The following KCTD8 variants were observed in gnomAD, a reference collection of about 807,000 sequenced individuals.
KCTD8 encodes the protein BTB/POZ domain-containing protein KCTD8.
KCTD8 carries 27 observed loss-of-function variants against 31.5 expected under a neutral mutation model. That is an observed-to-expected ratio of 0.86 (90% CI 0.63 to 1.18). The LOEUF (loss-of-function observed/expected upper bound fraction) is 1.18, where lower values mean the gene tolerates loss of function less well. Ranked by LOEUF, KCTD8 falls within the 50% of genes most tolerant of loss-of-function variation. The pLI is 0.00. For synonymous variants in KCTD8, 290 were observed against 280.0 expected, an observed-to-expected ratio of 1.04 and a Z score of -0.36; for missense variants, 658 against 647.7, an observed-to-expected ratio of 1.02 and a Z score of -0.17.
At chr4:44,377,838 C>T (rs1161358353) in intron 1 of KCTD8, among the ~76,000 whole-genome samples, 1 of 152,066 alleles carries the variant, frequency 6.6e-6, no homozygotes, top group Non-Finnish European at 1.5e-5. Context: ...TATATTACGT[C>T]TTCTTCTTTC....
chr4:44,332,027 A>G (rs774914815), intron 1 of KCTD8, among the ~76,000 whole-genome samples: 1 of 151,858 alleles, frequency 6.6e-6, no homozygotes, highest in Non-Finnish European at 1.5e-5. Context: ...AAACTAGTAG[A>G]TACTCTCAAC....
chr4:44,446,922 A>T (rs1721953604), intron 1 of KCTD8, among the ~76,000 whole-genome samples: 1 of 152,154 alleles, frequency 6.6e-6, no homozygotes, highest in South Asian at 2.1e-4. Context: ...GACGCAGGGA[A>T]ATCTGGGTTT....
At chr4:44,221,620 C>T (rs11933333) in intron 1 of KCTD8, among the ~76,000 whole-genome samples, 4,670 of 152,144 alleles carry the variant, frequency 0.031, 239 homozygotes, top group African/African-American at 0.11. Flanking sequence ...CAGAAGTCCC[C>T]GGAAAACCAC....
rs201538080 is a variant in KCTD8 at position 44,223,250 on chromosome 4, A to C, written c.962-48000T>G. Among the ~76,000 whole-genome samples the C allele has an allele frequency of 4.6e-5, 7 of 152,260 alleles. No individual in the cohort carries two copies. In the East Asian group the frequency reaches 1.4e-3, roughly 29 times the overall value. On this transcript the variant is annotated intron_variant, in intron 1 of 1. Transcript: ENST00000360029. ...CGGCTCAGGATTTCTGTTTCTAGTG[A>C]CTGGATAGATGACAGGCAATTAAGA... is the stretch of plus-strand genomic sequence containing the variant.
In KCTD8 at chr4:44,268,733, G is replaced by A. The variant is rs1386937066; in HGVS notation, c.962-93483C>T. ...AAACCAATGTACAAAAATCACAAAC[G>A]TTCTTATACACCAATAACAGACAGA... On this transcript the variant is annotated intron_variant, in intron 1 of 1. Coordinates refer to ENST00000360029, the MANE Select transcript of KCTD8 (RefSeq NM_198353.3). Among the ~76,000 whole-genome samples the A allele has an allele frequency of 3.5e-4, 54 of 152,134 alleles. No homozygotes were observed. The Middle Eastern group carries it at 0.014, about 38-fold the overall frequency.
chr4:44,401,254 T>G (rs957435135), intron 1 of KCTD8, among the ~76,000 whole-genome samples: 1 of 152,130 alleles, frequency 6.6e-6, no homozygotes, highest in Non-Finnish European at 1.5e-5. Context: ...ACTTCAGAAT[T>G]GCTACTTTCA....
At chr4:44,204,230 A>G (rs972641424) in intron 1 of KCTD8, among the ~76,000 whole-genome samples, 11 of 152,180 alleles carry the variant, frequency 7.2e-5, no homozygotes, top group African/African-American at 1.4e-4. Context: ...TATCAGAAGT[A>G]TTTCCATTTA....
At chr4:44,214,260 G>A (rs1005591237) in intron 1 of KCTD8, among the ~76,000 whole-genome samples, 12 of 152,084 alleles carry the variant, frequency 7.9e-5, no homozygotes, top group African/African-American at 2.9e-4. Flanking sequence ...TTAGTTTGTA[G>A]CCCAGCCAAA....
intron 1 of KCTD8, among the ~76,000 whole-genome samples, chr4:44,190,026 C>T (rs1357848697): frequency 6.6e-6 from 1 of 152,142 alleles, no homozygotes; most frequent in East Asian, 1.9e-4. Flanking sequence ...TCAGTCTTCA[C>T]TCTCATGGTT....
At chr4:44,352,917 G>A (rs1287698500) in intron 1 of KCTD8, among the ~76,000 whole-genome samples, 9 of 151,972 alleles carry the variant, frequency 5.9e-5, no homozygotes, top group Non-Finnish European at 1.2e-4. Context: ...CCAAAACTCA[G>A]GTTGTGCTTA....
intron 1 of KCTD8, among the ~76,000 whole-genome samples, chr4:44,324,536 T>C (rs1718394041): frequency 6.6e-6 from 1 of 152,118 alleles, no homozygotes; most frequent in South Asian, 2.1e-4. Context: ...CTCCTGGAAC[T>C]TTCCAGCACA....
At chr4:44,264,009 C>T (rs1434750914) in intron 1 of KCTD8, among the ~76,000 whole-genome samples, 3 of 152,186 alleles carry the variant, frequency 2.0e-5, no homozygotes, top group Non-Finnish European at 4.4e-5. Flanking sequence ...AACTTAATAA[C>T]TCAAAGTAAG....
intron 1 of KCTD8, among the ~76,000 whole-genome samples, chr4:44,204,216 G>T (rs917249914): frequency 3.3e-5 from 5 of 152,114 alleles, no homozygotes; most frequent in Non-Finnish European, 7.4e-5. Flanking sequence ...ACTTCAGAGT[G>T]AAGTATCAGA....
intron 1 of KCTD8, among the ~76,000 whole-genome samples, chr4:44,322,158 T>G (rs559725449): frequency 6.6e-6 from 1 of 152,118 alleles, no homozygotes; most frequent in South Asian, 2.1e-4. Context: ...CTACTTTTAG[T>G]TTTTCAGAAA....
At chr4:44,406,989 A>G (rs1657144158) in intron 1 of KCTD8, among the ~76,000 whole-genome samples, 1 of 152,208 alleles carries the variant, frequency 6.6e-6, no homozygotes, top group Non-Finnish European at 1.5e-5. Flanking sequence ...TTTTCTTTCT[A>G]ATCATCAGCC....
intron 1 of KCTD8, among the ~76,000 whole-genome samples, chr4:44,211,607 A>G (rs989000222): frequency 2.0e-5 from 3 of 152,146 alleles, no homozygotes; most frequent in Non-Finnish European, 2.9e-5. Context: ...TTTTGTTATT[A>G]TAAACAGTGC....
intron 1 of KCTD8, among the ~76,000 whole-genome samples, chr4:44,417,894 C>T (rs910968409): frequency 4.6e-5 from 7 of 152,018 alleles, no homozygotes; most frequent in African/African-American, 1.7e-4. Context: ...CCAACATAAT[C>T]TCACTGATAC....
intron 1 of KCTD8, among the ~76,000 whole-genome samples, chr4:44,277,603 A>T (rs1716788959): frequency 1.3e-5 from 2 of 151,910 alleles, no homozygotes; most frequent in Non-Finnish European, 2.9e-5. Flanking sequence ...CAGGCTATAA[A>T]CAGTCCATAG....
At chr4:44,369,096 T>C (rs1719715102) in intron 1 of KCTD8, among the ~76,000 whole-genome samples, 1 of 152,178 alleles carries the variant, frequency 6.6e-6, no homozygotes, top group African/African-American at 2.4e-5. Flanking sequence ...GGTTCCTTTC[T>C]GGTTAAGGGG....
Sources: gnomAD v4.1 joint callset for allele counts (sites outside exome capture counted in the v4.1 genomes callset) on GRCh38, gnomAD v4.1.1 for gene constraint, MANE v1.5 for transcripts, NCBI Gene and HGNC (gene_info 2026-07-23, HGNC 2026-07-21) for gene names.